HNRNPUL2: variants seen among roughly 807,000 people sequenced by gnomAD.
The protein encoded by HNRNPUL2 is heterogeneous nuclear ribonucleoprotein U like 2.
Under a neutral mutation model 102.2 loss-of-function variants are expected in HNRNPUL2, and 27 were observed. The observed-to-expected ratio is 0.26, with a 90% CI of 0.19 to 0.36. HNRNPUL2 has a LOEUF of 0.36. Among genes scored for constraint, HNRNPUL2 ranks in the 10% least tolerant of loss-of-function variants. The pLI is 1.00. For synonymous variants in HNRNPUL2, 458 were observed against 387.2 expected, an observed-to-expected ratio of 1.18 and a Z score of -2.15; for missense variants, 936 against 981.1, an observed-to-expected ratio of 0.95 and a Z score of 0.61.
Position 62,727,395 on chromosome 11 carries a change from G to A in HNRNPUL2, c.-239C>T, listed in dbSNP as rs956324705. 4 of 418,762 alleles carry A rather than the reference G, an allele frequency of 9.6e-6. No homozygotes were observed. Among genetic ancestry groups the A allele is most frequent in the African/African-American group, 4.2e-5 (2 of 47,770 alleles). 25.9% of individuals were successfully genotyped at this position (418,762 alleles called of 1,614,324 possible). On this transcript the variant is annotated 5_prime_UTR_variant, in exon 1 of 14. Coordinates refer to ENST00000301785, the MANE Select transcript of HNRNPUL2 (RefSeq NM_001079559.3). Reference sequence around the variant, plus strand: ...CACGGAGCCCAAAACAACGCAGCAGGGAGCTGTTTCCCCTCCAGGCCCTTG... The same window carrying A: ...CACGGAGCCCAAAACAACGCAGCAGAGAGCTGTTTCCCCTCCAGGCCCTTG...
chr11:62,722,219 C>T lies in HNRNPUL2; in HGVS notation c.1257G>A (p.Glu419=), dbSNP rs1466346191. 1 of 1,614,004 alleles carries T rather than the reference C, an allele frequency of 6.2e-7. No homozygotes were observed. Among genetic ancestry groups the T allele is most frequent in the Admixed American group, 1.7e-5 (1 of 60,008 alleles). ...VVELNFGQKE[E]PFFPPPEEFV... ...ACTCTTCTGGTGGTGGGAAGAAGGG[C>T]TCCTCCTTCTGACCGAAGTTTAATT... Residue 419 remains glutamate, a synonymous_variant, in exon 7 of 14, where the codon GAG becomes GAA. Coordinates refer to ENST00000301785, the MANE Select transcript of HNRNPUL2 (RefSeq NM_001079559.3).
At position 62,713,005 on chromosome 11, in the gene HNRNPUL2, C is replaced by A. The variant is rs1046497136; in HGVS notation, c.*2294G>T. On this transcript the variant is annotated 3_prime_UTR_variant, in exon 14 of 14. Coordinates refer to ENST00000301785, the MANE Select transcript of HNRNPUL2 (RefSeq NM_001079559.3). ...CATAATAAAAAGACAGAAACAAAAC[C>A]CGGACATCTACTGTTGTTGCAAATG... 1 of 152,164 alleles carries A rather than the reference C, an allele frequency of 6.6e-6. No homozygotes were observed. Among genetic ancestry groups the A allele is most frequent in the African/African-American group, 2.4e-5 (1 of 41,414 alleles). 9.4% of individuals were successfully genotyped at this position (152,164 alleles called of 1,614,324 possible).
chr11:62,724,875 A>G (rs990399121), intron 1 of HNRNPUL2, among the ~76,000 whole-genome samples: 9 of 152,328 alleles, frequency 5.9e-5, no homozygotes, highest in Non-Finnish European at 4.4e-5. Context: ...GAGAAGCCTC[A>G]ATTTCTTTTA....
At chr11:62,715,701 GA>G in intron 12 of HNRNPUL2, 94 bp from the exon 13 acceptor site, 3 of 1,130,668 alleles carry the variant, frequency 2.7e-6, no homozygotes, top group Non-Finnish European at 4.0e-6. Flanking sequence ...ATCTTAGCTC[GA>G]TATTATAAAT....
chr11:62,715,704 A>T, intron 12 of HNRNPUL2, 97 bp from the exon 13 acceptor site: 1 of 1,128,144 alleles, frequency 8.9e-7, no homozygotes, highest in South Asian at 1.2e-5. Context: ...TTAGCTCGAT[A>T]TTATAAATTG....
intron 10 of HNRNPUL2, 128 bp from the exon 11 acceptor site, chr11:62,717,317 G>A (rs937323095): frequency 1.5e-5 from 10 of 674,936 alleles, no homozygotes; most frequent in Middle Eastern, 2.9e-4. Flanking sequence ...AATGTGCTAC[G>A]TTTATACCCA....
At chr11:62,720,546 C>CAA (rs148876571) in intron 9 of HNRNPUL2, among the ~76,000 whole-genome samples, 47 of 131,578 alleles carry the variant, frequency 3.6e-4, no homozygotes, top group African/African-American at 6.7e-4. Flanking sequence ...GATTCCATCT[C>CAA]AAAAAAAAAA....
chr11:62,713,085 A>G lies in HNRNPUL2; in HGVS notation c.*2214T>C, dbSNP rs1477431171. On this transcript the variant is annotated 3_prime_UTR_variant, in exon 14 of 14. Transcript: ENST00000301785. ...GCAGTTTCACTTTCCACCCACCTAG[A>G]AAAACAGTTTTGTAAAAAAGATTAC... is the stretch of plus-strand genomic sequence containing the variant. 6.6e-6 allele frequency: 1 copy of G among 152,230 alleles called. No individual in the cohort carries two copies. The highest frequency in any genetic ancestry group is 2.4e-5 in the African/African-American group (1 of 41,466). 9.4% of individuals were successfully genotyped at this position (152,230 alleles called of 1,614,324 possible). A position where few individuals can be genotyped will look rare whatever the true frequency, so the allele number is the denominator to read the frequency against.
At chr11:62,721,088 A>G (rs1772534766) in intron 9 of HNRNPUL2, among the ~76,000 whole-genome samples, 1 of 152,258 alleles carries the variant, frequency 6.6e-6, no homozygotes, top group East Asian at 1.9e-4. Context: ...AACTCTTTCC[A>G]TTGTCTTTAT....
intron 10 of HNRNPUL2, among the ~76,000 whole-genome samples, chr11:62,718,201 G>GA (rs1459588442): frequency 4.0e-5 from 6 of 151,422 alleles, no homozygotes; most frequent in South Asian, 2.1e-4. Context: ...GCAGCAATGG[G>GA]AAAAAAAATC....
At position 62,717,077 on chromosome 11, in the gene HNRNPUL2, C is replaced by G; in HGVS notation, c.1893G>C (p.Lys631Asn). The G allele has an allele frequency of 6.2e-7, 1 of 1,614,174 alleles. No homozygotes were observed. The highest frequency in any genetic ancestry group is 8.5e-7 in the Non-Finnish European group (1 of 1,180,022). The change falls in exon 11 of 14, where the codon AAG becomes AAC. Residue 631 changes from lysine to asparagine, a missense_variant. By Grantham distance (94) the Lys-to-Asn change is moderately conservative. Around this residue, in one of 2 missense-constraint regions of HNRNPUL2, gnomAD observed 609 missense variants for 713.0 expected, o/e 0.85. Coordinates refer to ENST00000301785, the MANE Select transcript of HNRNPUL2 (RefSeq NM_001079559.3). Reference sequence around the variant, plus strand: ...TCCGCTTCTCGGAGGGGGGCAGAAGCTTCCTTGCCTCCTCCTTGTACTTAG... The same window carrying G: ...TCCGCTTCTCGGAGGGGGGCAGAAGGTTCCTTGCCTCCTCCTTGTACTTAG... ...IVTKYKEEAR[K>N]LLPPSEKRTN...
At position 62,722,789 on chromosome 11, in the gene HNRNPUL2, A is replaced by AATT. The variant is rs1328187616; in HGVS notation, c.982+23_982+24insAAT. 5.0e-6 allele frequency: 8 copies of AATT among 1,611,410 alleles called. No homozygotes were observed. In the South Asian group the frequency reaches 8.8e-5, roughly 18 times the overall value. On this transcript the variant is annotated intron_variant, in intron 5 of 13. Transcript: ENST00000301785. ...AGCAATATGGTAGTAAACACTAATG[A>AATT]GGAACTTAAAGAAATAACTTTACCA...
intron 10 of HNRNPUL2, among the ~76,000 whole-genome samples, chr11:62,719,046 G>T (rs1475256105): frequency 6.6e-6 from 1 of 151,990 alleles, no homozygotes; most frequent in Admixed American, 6.6e-5. Flanking sequence ...CAGGCTGGTT[G>T]TGAGCTCCTG....
At position 62,722,172 on chromosome 11, in the gene HNRNPUL2, G is replaced by T. The variant is rs2083707985; in HGVS notation, c.1304C>A (p.Pro435His). ...PEEFVFIHAV[P>H]VEERVRTAVP... Reference sequence around the variant, plus strand: ...TGCAGTGCGTACACGCTCCTCAACAGGCACAGCATGAATGAACACAAACTC... The same window carrying T: ...TGCAGTGCGTACACGCTCCTCAACATGCACAGCATGAATGAACACAAACTC... Residue 435 changes from proline to histidine, a missense_variant, in exon 7 of 14, where the codon CCT becomes CAT. Pro to His is a moderately conservative substitution (Grantham distance 77, BLOSUM62 -2). This residue lies in a region of HNRNPUL2 where 609 missense variants were observed against 713.0 expected (regional missense o/e 0.85). Transcript: ENST00000301785. 6.2e-7 allele frequency: 1 copy of T among 1,614,002 alleles called. No homozygotes were observed. Among genetic ancestry groups the T allele is most frequent in the African/African-American group, 1.3e-5 (1 of 74,918 alleles).
Position 62,717,117 on chromosome 11 carries a change from G to A in HNRNPUL2, c.1853C>T (p.Ala618Val), listed in dbSNP as rs781603871. 5.0e-6 allele frequency: 8 copies of A among 1,614,150 alleles called. No individual in the cohort carries two copies. The Admixed American group carries it at 1.2e-4, about 24-fold the overall frequency. ...CTTGTACTTAGTGACAATGGGCTGA[G>A]CTTCCTCCTTCTCCAGCTCCCCATA... ...VTYGELEKEE[A>V]QPIVTKYKEE... is the part of the protein sequence containing the mutation. Residue 618 changes from alanine (A) to valine (V), a missense_variant, in exon 11 of 14, where the codon GCT becomes GTT. By Grantham distance (64) the Ala-to-Val change is moderately conservative. Transcript: ENST00000301785.
Position 62,727,260 on chromosome 11 carries a change from C to G in HNRNPUL2, c.-104G>C. 1.6e-6 allele frequency: 2 copies of G among 1,237,546 alleles called. No individual in the cohort carries two copies. The highest frequency in any genetic ancestry group is 2.0e-6 in the Non-Finnish European group (2 of 990,540). The allele number at this position is 1,237,546 out of a possible 1,614,324, so 76.7% of individuals were successfully genotyped here. A position where few individuals can be genotyped will look rare whatever the true frequency, so the allele number is the denominator to read the frequency against. ...CGCCGCCGCCCGCCTCCGCCTCACG[C>G]GCCAGCACTGAGCCCGCGCGAGCGA... On this transcript the variant is annotated 5_prime_UTR_variant, in exon 1 of 14. Coordinates refer to ENST00000301785, the MANE Select transcript of HNRNPUL2 (RefSeq NM_001079559.3).
rs371340397 is a variant in HNRNPUL2, at chr11:62,726,788, G to C, written c.369C>G (p.Ala123=). ...PPEAAAMEAA[A]EPDASEKPAE... is the part of the protein sequence containing the mutation. ...CCGGCTTCTCGGAAGCATCTGGCTC[G>C]GCCGCGGCCTCCATGGCTGCCGCCT... Residue 123 remains alanine (A), a synonymous_variant, in exon 1 of 14, where the codon GCC becomes GCG. Coordinates refer to ENST00000301785, the MANE Select transcript of HNRNPUL2 (RefSeq NM_001079559.3). 7 of 1,599,432 alleles carry C rather than the reference G, an allele frequency of 4.4e-6. No individual in the cohort carries two copies. Among genetic ancestry groups the C allele is most frequent in the African/African-American group, 2.7e-5 (2 of 74,870 alleles).
In HNRNPUL2 at chr11:62,714,808, C is replaced by A; in HGVS notation, c.*491G>T. ...TTATTTTCACTGTCCCAGTCACAAG[C>A]TCTCCCTCTGTCCCCACTCCTGCCT... On this transcript the variant is annotated 3_prime_UTR_variant, in exon 14 of 14. Transcript: ENST00000301785. The A allele has an allele frequency of 6.4e-6, 1 of 155,248 alleles. No homozygotes were observed. Among genetic ancestry groups the A allele is most frequent in the Non-Finnish European group, 1.4e-5 (1 of 70,026 alleles). 9.6% of individuals were successfully genotyped at this position (155,248 alleles called of 1,614,324 possible). A position where few individuals can be genotyped will look rare whatever the true frequency, so the allele number is the denominator to read the frequency against.
Position 62,727,214 on chromosome 11 carries a change from G to A in HNRNPUL2, c.-58C>T, listed in dbSNP as rs1019660461. On this transcript the variant is annotated 5_prime_UTR_variant, in exon 1 of 14. Transcript: ENST00000301785. ...TCCTCCCCTGCGAACCGTCGACCGA[G>A]TCCGACCGCGCAGGCGCCGCCGCCG... 2.5e-5 allele frequency: 33 copies of A among 1,323,762 alleles called. No individual in the cohort carries two copies. Among genetic ancestry groups the A allele is most frequent in the Non-Finnish European group, 3.0e-5 (31 of 1,039,910 alleles). 82.0% of individuals were successfully genotyped at this position (1,323,762 alleles called of 1,614,324 possible).
Sources: allele counts gnomAD v4.1 joint callset (sites outside exome capture counted in the v4.1 genomes callset), GRCh38; gene constraint gnomAD v4.1.1; regional missense constraint gnomAD v4.1.1; transcripts MANE v1.5; gene names NCBI Gene and HGNC (gene_info 2026-07-23, HGNC 2026-07-21).